STX18: variants seen among roughly 807,000 people sequenced by gnomAD.
STX18 encodes syntaxin 18.
In STX18, 40 loss-of-function variants were observed where a neutral mutation model predicts 50.1. The observed-to-expected ratio is 0.80, with a 90% CI of 0.62 to 1.04. The LOEUF is 1.04. Among genes scored for constraint, STX18 ranks in the 50% least tolerant of loss-of-function variants. The pLI, the probability that STX18 is intolerant of heterozygous loss-of-function variation, is 0.00. For missense variants in STX18, 410 were observed against 415.8 expected (o/e 0.99, Z 0.12); for synonymous variants, 158 against 151.8 (o/e 1.04, Z -0.30).
Position 4,457,257 on chromosome 4 carries a change from C to T in STX18, c.431G>A (p.Arg144Lys), listed in dbSNP as rs1577339882. The change falls in exon 5 of 11, where the codon AGA becomes AAA. Residue 144 changes from arginine (R) to lysine (K), a missense_variant and splice_region_variant. Coordinates refer to ENST00000306200, the MANE Select transcript of STX18 (RefSeq NM_016930.4). Reference sequence around the variant, plus strand: ...CTGTTCTGAGTAAAGTTTACATACTCCTGTTGCAGAAGAAAATACCAGAAG... The same window carrying T: ...CTGTTCTGAGTAAAGTTTACATACTTCTGTTGCAGAAGAAAATACCAGAAG... ...VLDFIEDYLK[R>K]VCKLYSEQRA... The T allele has an allele frequency of 1.9e-6, 3 of 1,613,928 alleles. No homozygotes were observed. The highest frequency in any genetic ancestry group is 2.5e-6 in the Non-Finnish European group (3 of 1,179,870).
At chr4:4,465,988 TG>T (rs1727602678) in intron 2 of STX18, among the ~76,000 whole-genome samples, 1 of 152,158 alleles carries the variant, frequency 6.6e-6, no homozygotes, top group South Asian at 2.1e-4. Context: ...TGAATCAAAT[TG>T]ATCAAATCAT....
At chr4:4,494,377 A>G (rs748097895) in intron 1 of STX18, among the ~76,000 whole-genome samples, 8 of 152,144 alleles carry the variant, frequency 5.3e-5, no homozygotes, top group Admixed American at 1.3e-4. Context: ...CTTGCATTTG[A>G]CTGAAGACTG....
chr4:4,505,256 CA>C (rs1410560377), intron 1 of STX18, among the ~76,000 whole-genome samples: 22 of 152,150 alleles, frequency 1.4e-4, no homozygotes, highest in Admixed American at 1.4e-3. Flanking sequence ...CCTAACCTAC[CA>C]AACATCATAG....
chr4:4,440,766 T>C (rs150338730), intron 5 of STX18, among the ~76,000 whole-genome samples: 28 of 152,366 alleles, frequency 1.8e-4, no homozygotes, highest in African/African-American at 6.0e-4. Flanking sequence ...AAAAATTTTT[T>C]CAAAAGTCAC....
At chr4:4,499,588 T>C in intron 1 of STX18, 1 of 942,384 alleles carries the variant, frequency 1.1e-6, no homozygotes. Context: ...ATTCACTGAC[T>C]GGCTTCTACA....
chr4:4,473,887 C>T (rs1321390095), intron 1 of STX18, among the ~76,000 whole-genome samples: 1 of 152,172 alleles, frequency 6.6e-6, no homozygotes, highest in Non-Finnish European at 1.5e-5. Flanking sequence ...GCTCTGCATG[C>T]TGATTTGCCA....
chr4:4,466,791 C>T (rs1375122838), intron 2 of STX18, among the ~76,000 whole-genome samples: 1 of 152,146 alleles, frequency 6.6e-6, no homozygotes, highest in Non-Finnish European at 1.5e-5. Flanking sequence ...GACAGGGGAA[C>T]TACAATAGAG....
chr4:4,528,879 G>A (rs192513363), intron 1 of STX18, among the ~76,000 whole-genome samples: 22 of 152,300 alleles, frequency 1.4e-4, no homozygotes, highest in Non-Finnish European at 2.5e-4. Flanking sequence ...AGATCTCCAC[G>A]GAACTGACCA....
chr4:4,476,427 C>G (rs921061109), intron 1 of STX18, among the ~76,000 whole-genome samples: 1 of 152,184 alleles, frequency 6.6e-6, no homozygotes, highest in Non-Finnish European at 1.5e-5. Context: ...GAAACCAAAG[C>G]TCAAGACTGA....
intron 1 of STX18, among the ~76,000 whole-genome samples, chr4:4,475,481 AAC>A (rs917786308): frequency 5.9e-5 from 9 of 152,138 alleles, no homozygotes; most frequent in African/African-American, 1.4e-4. Flanking sequence ...CAAAAAAAAA[AAC>A]ATGACAAATC....
intron 1 of STX18, among the ~76,000 whole-genome samples, chr4:4,539,878 C>T (rs1490733280): frequency 1.3e-5 from 2 of 152,196 alleles, no homozygotes; most frequent in Non-Finnish European, 2.9e-5. Flanking sequence ...CCCAACTGTG[C>T]CTCCTGTCTC....
chr4:4,533,905 A>G (rs1421770563), intron 1 of STX18, among the ~76,000 whole-genome samples: 1 of 152,252 alleles, frequency 6.6e-6, no homozygotes, highest in Non-Finnish European at 1.5e-5. Flanking sequence ...TGCTTCTACA[A>G]CATGTGATAT....
intron 2 of STX18, among the ~76,000 whole-genome samples, chr4:4,464,286 T>A (rs1415131617): frequency 3.9e-5 from 6 of 152,226 alleles, no homozygotes; most frequent in Non-Finnish European, 8.8e-5. Flanking sequence ...ACTCCCACTG[T>A]CTATGGAGAG....
At chr4:4,443,766 T>C (rs1726243680) in intron 5 of STX18, among the ~76,000 whole-genome samples, 1 of 151,966 alleles carries the variant, frequency 6.6e-6, no homozygotes, top group African/African-American at 2.4e-5. Context: ...TACACCCCCT[T>C]AACAAAAAAA....
At chr4:4,421,917 G>A (rs571811891) in intron 9 of STX18, among the ~76,000 whole-genome samples, 53 of 152,266 alleles carry the variant, frequency 3.5e-4, no homozygotes, top group African/African-American at 1.3e-3. Flanking sequence ...GGGGGCGTCT[G>A]GCCCCACAGG....
chr4:4,471,487 T>C (rs757828412), intron 2 of STX18, 152 bp downstream of exon 2: 12 of 533,200 alleles, frequency 2.3e-5, no homozygotes, highest in African/African-American at 5.9e-5. Flanking sequence ...GCAGAGCCTT[T>C]TGCTTTGAGG....
chr4:4,438,564 T>C, intron 5 of STX18, 55 bp from the exon 6 acceptor site: 1 of 1,433,448 alleles, frequency 7.0e-7, no homozygotes, highest in East Asian at 2.3e-5. Flanking sequence ...GGATTCCTTT[T>C]TGAAAACAGA....
At position 4,425,168 on chromosome 4, in the gene STX18, C is replaced by T. The variant is rs1188947148; in HGVS notation, c.757G>A (p.Val253Met). ...IGEMNSLFDE[V>M]RQIEGRVVEI... ...ACAGAGGAGCTACAAACATACCTCA[C>T]TTCATCAAACAAGCTGTTCATTTCA... The change falls in exon 8 of 11, where the codon GTG becomes ATG. Residue 253 changes from valine (V) to methionine (M), a missense_variant. Coordinates refer to ENST00000306200, the MANE Select transcript of STX18 (RefSeq NM_016930.4). 3.1e-6 allele frequency: 5 copies of T among 1,614,042 alleles called. No homozygotes were observed. The Admixed American group carries it at 5.0e-5, about 16-fold the overall frequency.
chr4:4,453,650 T>A (rs1726897731), intron 5 of STX18: 3 of 982,024 alleles, frequency 3.1e-6, no homozygotes, highest in African/African-American at 1.7e-5. Context: ...CGCCTGTCCT[T>A]CTTTTATGCC....
Sources: gnomAD v4.1 joint callset for allele counts (sites outside exome capture counted in the v4.1 genomes callset) on GRCh38, gnomAD v4.1.1 for gene constraint, MANE v1.5 for transcripts, NCBI Gene and HGNC (gene_info 2026-07-23, HGNC 2026-07-21) for gene names.